DIS3L: variants seen among roughly 807,000 people sequenced by gnomAD.
DIS3L encodes the protein DIS3-like exonuclease 1.
In DIS3L, 100 loss-of-function variants were observed where a neutral mutation model predicts 120.3. That is an observed-to-expected ratio of 0.83 (90% CI 0.71 to 0.98). The LOEUF is 0.98. DIS3L is among the 50% of genes least tolerant of loss of function. The pLI is 0.00. For synonymous variants in DIS3L, 426 were observed against 470.6 expected, an observed-to-expected ratio of 0.91 and a Z score of 1.23; for missense variants, 1,196 against 1,314.2, an observed-to-expected ratio of 0.91 and a Z score of 1.39.
At chr15:66,295,217 G>A (rs2092573752) in intron 2 of DIS3L, 76 bp downstream of exon 2, 3 of 1,399,730 alleles carry the variant, frequency 2.1e-6, no homozygotes, top group Admixed American at 2.2e-5. Flanking sequence ...GTCGGAGGGG[G>A]ATGGGAGGAA....
chr15:66,294,927 A>G (rs1357347468), intron 1 of DIS3L, 61 bp from the exon 2 acceptor site: 3 of 1,490,906 alleles, frequency 2.0e-6, no homozygotes, highest in Middle Eastern at 1.9e-4. Flanking sequence ...GCACCGTGAC[A>G]TTTAAATAAA....
At chr15:66,317,854 AAAAG>A (rs200207760) in intron 7 of DIS3L, among the ~76,000 whole-genome samples, 18,848 of 150,072 alleles carry the variant, frequency 0.13, 1,521 homozygotes, top group South Asian at 0.22. Context: ...AAAAAAAAAA[AAAAG>A]AAACGAACAA....
At chr15:66,302,267 C>G (rs1359517424) in intron 2 of DIS3L, among the ~76,000 whole-genome samples, 1 of 152,144 alleles carries the variant, frequency 6.6e-6, no homozygotes, top group Non-Finnish European at 1.5e-5. Flanking sequence ...GCTTGTGAGG[C>G]TGAGGTGGGA....
At chr15:66,318,302 C>G in intron 7 of DIS3L, 147 bp from the exon 8 acceptor site, 1 of 903,424 alleles carries the variant, frequency 1.1e-6, no homozygotes, top group Non-Finnish European at 1.6e-6. Flanking sequence ...AGCTTCCTTT[C>G]AAAAACATTC....
rs1205647538 is a variant in DIS3L, at chr15:66,329,061, G to A, written c.2293G>A (p.Ala765Thr). 6.2e-7 allele frequency: 1 copy of A among 1,614,120 alleles called. No homozygotes were observed. Among genetic ancestry groups the A allele is most frequent in the Non-Finnish European group, 8.5e-7 (1 of 1,180,056 alleles). The change falls in exon 13 of 17, where the codon GCC becomes ACC. Residue 765 changes from alanine (A) to threonine (T), a missense_variant. By Grantham distance (58) the Ala-to-Thr change is moderately conservative. Transcript: ENST00000319212. ...GCTACTGCGCTCCATGGCCACGCAG[G>A]CCATGTCGAATGCTCTGTACTTCTC... ...NRLLRSMATQ[A>T]MSNALYFSTG...
At chr15:66,296,004 A>ATCTGGTTAATGGTC (rs1473964356) in intron 2 of DIS3L, among the ~76,000 whole-genome samples, 2 of 152,254 alleles carry the variant, frequency 1.3e-5, no homozygotes, top group Admixed American at 1.3e-4. Context: ...GCTCAGTTCA[A>ATCTGGTTAATGGTC]AAAACATACA....
chr15:66,303,962 C>G (rs544539420), intron 2 of DIS3L, among the ~76,000 whole-genome samples: 1 of 151,564 alleles, frequency 6.6e-6, no homozygotes, highest in African/African-American at 2.4e-5. Flanking sequence ...TCTTGGTGGG[C>G]ATCTGCAGTC....
chr15:66,321,532 G>A (rs2092883285), intron 9 of DIS3L, among the ~76,000 whole-genome samples: 1 of 152,158 alleles, frequency 6.6e-6, no homozygotes, highest in African/African-American at 2.4e-5. Flanking sequence ...GGGAGGCCAA[G>A]GCAGGTGAAT....
intron 4 of DIS3L, among the ~76,000 whole-genome samples, chr15:66,309,094 A>AAATATATATATATATATATATATATAT: frequency 1.3e-4 from 2 of 15,320 alleles, no homozygotes; most frequent in African/African-American, 3.9e-4. Context: ...AAAAAAAAAA[A>AAATATATATATATATATATATATATAT]ATATATATAT....
At chr15:66,320,870 C>G in intron 9 of DIS3L, 138 bp downstream of exon 9, 1 of 1,103,268 alleles carries the variant, frequency 9.1e-7, no homozygotes, top group Middle Eastern at 2.6e-4. Context: ...AAATCTCAAT[C>G]CTCTTTATTC....
intron 8 of DIS3L, 148 bp from the exon 9 acceptor site, chr15:66,320,422 CA>C (rs112874647): frequency 2.5e-3 from 1,690 of 680,154 alleles, no homozygotes; most frequent in South Asian, 3.8e-3. Flanking sequence ...GAATGAAAAA[CA>C]AAAAAAAAAC....
chr15:66,302,719 CT>C (rs1245192984), intron 2 of DIS3L, among the ~76,000 whole-genome samples: 1 of 152,166 alleles, frequency 6.6e-6, no homozygotes, highest in Non-Finnish European at 1.5e-5. Flanking sequence ...CTTCCCATCC[CT>C]CCCATCTTCT....
At chr15:66,296,118 T>C (rs1566932164) in intron 2 of DIS3L, among the ~76,000 whole-genome samples, 1 of 152,334 alleles carries the variant, frequency 6.6e-6, no homozygotes, top group East Asian at 1.9e-4. Context: ...CACATCCAAA[T>C]TTAAATGCTG....
chr15:66,315,017 T>C lies in DIS3L; in HGVS notation c.815-19T>C. Reference sequence around the variant, plus strand: ...TTCCCTTGGCTTTATGGGTTTTTTCTGTGCTGCCCCAAACACAGATTTAGT... The same window carrying C: ...TTCCCTTGGCTTTATGGGTTTTTTCCGTGCTGCCCCAAACACAGATTTAGT... On this transcript the variant is annotated intron_variant, in intron 6 of 16. Transcript: ENST00000319212. The C allele has an allele frequency of 1.2e-6, 2 of 1,610,134 alleles. No individual in the cohort carries two copies. The highest frequency in any genetic ancestry group is 1.1e-5 in the South Asian group (1 of 90,762).
chr15:66,322,865 G>T lies in DIS3L; in HGVS notation c.1505G>T (p.Gly502Val), dbSNP rs763772210. 1 of 1,614,126 alleles carries T rather than the reference G, an allele frequency of 6.2e-7. No homozygotes were observed. The highest frequency in any genetic ancestry group is 1.1e-5 in the South Asian group (1 of 91,076). The change falls in exon 10 of 17, where the codon GGG (glycine) becomes GTG (valine). Residue 502 changes from glycine to valine, a missense_variant. Coordinates refer to ENST00000319212, the MANE Select transcript of DIS3L (RefSeq NM_001143688.3). Reference sequence around the variant, plus strand: ...TTAAATAATGGCAACCTGGAACTTGGGGTCCACATCGCAGATGTAACACAC... The same window carrying T: ...TTAAATAATGGCAACCTGGAACTTGTGGTCCACATCGCAGATGTAACACAC... ...RTLNNGNLELGVHIADVTHFV... is the reference protein window; with the variant it reads ...RTLNNGNLELVVHIADVTHFV...
rs2140424185 is a variant in DIS3L at position 66,332,761 on chromosome 15, C to G, written c.2707C>G (p.Leu903Val). 1 of 1,612,754 alleles carries G rather than the reference C, an allele frequency of 6.2e-7. No individual in the cohort carries two copies. The highest frequency in any genetic ancestry group is 2.2e-5 in the East Asian group (1 of 44,832). Reference protein sequence around the residue: ...PRFGIKGAAYLKNKDGLVISC... With the variant: ...PRFGIKGAAYVKNKDGLVISC... ...GTTTGGGATTAAAGGTGCTGCTTAT[C>G]TAAAAAATAAAGATGGTTTAGTCAT... The change falls in exon 16 of 17, where the codon CTA becomes GTA. Residue 903 changes from leucine to valine, a missense_variant. Physicochemically the swap from Leu to Val is conservative, Grantham distance 32. Transcript: ENST00000319212.
chr15:66,327,652 G>C (rs1315638414), intron 12 of DIS3L, among the ~76,000 whole-genome samples: 1 of 152,122 alleles, frequency 6.6e-6, no homozygotes, highest in Non-Finnish European at 1.5e-5. Context: ...GTTGAGGCAG[G>C]AGAATGGCAT....
chr15:66,307,458 C>A (rs761133538), intron 3 of DIS3L, among the ~76,000 whole-genome samples: 1 of 151,938 alleles, frequency 6.6e-6, no homozygotes, highest in African/African-American at 2.4e-5. Context: ...GCTGCCACCA[C>A]ACTTAGCTAA....
chr15:66,298,351 A>G (rs1436850479), intron 2 of DIS3L, among the ~76,000 whole-genome samples: 2 of 152,100 alleles, frequency 1.3e-5, no homozygotes, highest in African/African-American at 4.8e-5. Flanking sequence ...ACCCAGTGTT[A>G]TTTTCTTCTA....
Sources: allele counts gnomAD v4.1 joint callset (sites outside exome capture counted in the v4.1 genomes callset), GRCh38; gene constraint gnomAD v4.1.1; transcripts MANE v1.5; gene names NCBI Gene and HGNC (gene_info 2026-07-23, HGNC 2026-07-21).